Variants in FHOD3 observed in about 807,000 individuals in gnomAD.
FHOD3 encodes the protein FH1/FH2 domain-containing protein 3.
Under a neutral mutation model 173.0 loss-of-function variants are expected in FHOD3, and 90 were observed. That is an observed-to-expected ratio of 0.52 (90% CI 0.44 to 0.62). The LOEUF is 0.62. Ranked by LOEUF, FHOD3 falls within the 20% of genes least tolerant of loss-of-function variation. The pLI is 0.00. For synonymous variants in FHOD3, 828 were observed against 823.0 expected, an observed-to-expected ratio of 1.01 and a Z score of -0.10; for missense variants, 1,945 against 2,034.7, an observed-to-expected ratio of 0.96 and a Z score of 0.85.
At chr18:36,610,644 C>T (rs1020536992) in intron 8 of FHOD3, among the ~76,000 whole-genome samples, 1 of 152,152 alleles carries the variant, frequency 6.6e-6, no homozygotes, top group South Asian at 2.1e-4. Context: ...AAAAGGAAAA[C>T]GCCATTATTC....
chr18:36,541,249 CAAAAA>C (rs770104487), intron 5 of FHOD3, among the ~76,000 whole-genome samples: 1 of 40,358 alleles, frequency 2.5e-5, no homozygotes, highest in Non-Finnish European at 5.2e-5. Context: ...GACTCTGTCT[CAAAAA>C]AAAAAAAAAA....
intron 4 of FHOD3, among the ~76,000 whole-genome samples, chr18:36,507,241 C>T (rs2055354785): frequency 6.6e-6 from 1 of 152,192 alleles, no homozygotes; most frequent in East Asian, 1.9e-4. Context: ...ATAGTGACAC[C>T]TTTGCTTTCT....
intron 14 of FHOD3, among the ~76,000 whole-genome samples, chr18:36,681,233 C>G (rs75214836): frequency 7.9e-5 from 12 of 152,032 alleles, no homozygotes; most frequent in Non-Finnish European, 1.5e-4. Flanking sequence ...TTTTCTCCTG[C>G]GAGCACACTC....
intron 22 of FHOD3, among the ~76,000 whole-genome samples, chr18:36,743,245 G>A (rs889853661): frequency 7.0e-6 from 1 of 143,500 alleles, no homozygotes; most frequent in African/African-American, 2.6e-5. Context: ...GGAAGCAGAG[G>A]TTGCAGTGAG....
chr18:36,769,394 A>G lies in FHOD3; in HGVS notation c.4754A>G (p.Glu1585Gly), dbSNP rs751342833. Reference sequence around the variant, plus strand: ...CCCAGTCAGCGAGTGGTGCCGAGGGAGAGGAAACGATCCCGGGCCAACCGG... The same window carrying G: ...CCCAGTCAGCGAGTGGTGCCGAGGGGGAGGAAACGATCCCGGGCCAACCGG... Reference protein sequence around the residue: ...QVPSQRVVPRERKRSRANRKS... With the variant: ...QVPSQRVVPRGRKRSRANRKS... The change falls in exon 28 of 29, where the codon GAG becomes GGG. Residue 1585 changes from glutamate to glycine, a missense_variant. By Grantham distance (98) the Glu-to-Gly change is moderately conservative (BLOSUM62 -2). Around this residue, in one of 5 missense-constraint regions of FHOD3, gnomAD observed 354 missense variants for 359.9 expected, o/e 0.98. Coordinates refer to ENST00000590592, the MANE Select transcript of FHOD3 (RefSeq NM_001281740.3). The G allele has an allele frequency of 3.7e-6, 6 of 1,614,066 alleles. No homozygotes were observed. The South Asian group carries it at 6.6e-5, about 18-fold the overall frequency.
intron 2 of FHOD3, among the ~76,000 whole-genome samples, chr18:36,371,256 G>T (rs1264387272): frequency 6.6e-6 from 1 of 152,142 alleles, no homozygotes; most frequent in African/African-American, 2.4e-5. Context: ...TTCTTTAAAA[G>T]AATCCATATT....
intron 3 of FHOD3, among the ~76,000 whole-genome samples, chr18:36,436,536 A>G (rs2050819118): frequency 6.6e-6 from 1 of 152,228 alleles, no homozygotes. Flanking sequence ...AATTCTACAG[A>G]TTGCTATGTT....
intron 5 of FHOD3, among the ~76,000 whole-genome samples, chr18:36,520,965 T>G (rs892900138): frequency 6.6e-6 from 1 of 152,238 alleles, no homozygotes; most frequent in Non-Finnish European, 1.5e-5. Flanking sequence ...AGCACAATCG[T>G]TATTTCCTTG....
chr18:36,709,219 G>T lies in FHOD3; in HGVS notation c.2361G>T (p.Val787=), dbSNP rs147561688. 8.7e-6 allele frequency: 14 copies of T among 1,614,070 alleles called. No homozygotes were observed. In the African/African-American group the frequency reaches 1.7e-4, roughly 20 times the overall value. The change falls in exon 18 of 29, where the codon GTG becomes GTT. Residue 787 remains valine (V), a synonymous_variant. Transcript: ENST00000590592. ...CCCACGAGGGTGCAGAGACTGAAGT[G>T]GAGCAGGCACTAGAGCAAGAGCCGG... ...ASAHEGAETE[V]EQALEQEPEE...
At chr18:36,701,716 A>T (rs973880381) in intron 17 of FHOD3, among the ~76,000 whole-genome samples, 1 of 152,184 alleles carries the variant, frequency 6.6e-6, no homozygotes, top group Non-Finnish European at 1.5e-5. Context: ...TTTGGGGGTA[A>T]CACAGCCCAT....
intron 24 of FHOD3, among the ~76,000 whole-genome samples, chr18:36,753,641 C>T (rs572525200): frequency 6.6e-6 from 1 of 152,348 alleles, no homozygotes; most frequent in East Asian, 1.9e-4. Flanking sequence ...AGATCATTTT[C>T]TATGGCTGCT....
chr18:36,607,408 G>A (rs910476725), intron 8 of FHOD3, among the ~76,000 whole-genome samples: 6 of 152,196 alleles, frequency 3.9e-5, no homozygotes, highest in African/African-American at 1.4e-4. Context: ...TACCGCTGGT[G>A]CCTGTCCAGA....
At chr18:36,637,696 T>C (rs1305169938) in intron 10 of FHOD3, among the ~76,000 whole-genome samples, 4 of 152,194 alleles carry the variant, frequency 2.6e-5, no homozygotes, top group Non-Finnish European at 5.9e-5. Context: ...AGAAGAGGGC[T>C]TTTGAAGCGA....
Position 36,545,616 on chromosome 18 carries a change from G to A in FHOD3, c.512-30835G>A, listed in dbSNP as rs558047959. On this transcript the variant is annotated intron_variant, in intron 5 of 28. Coordinates refer to ENST00000590592, the MANE Select transcript of FHOD3 (RefSeq NM_001281740.3). ...CTAGAATTTCTAAATATCTGTGTGT[G>A]TGTTGTATGCAGGGAAAGTGCATTT... is the stretch of plus-strand genomic sequence containing the variant. Among the ~76,000 whole-genome samples, 27 of 152,354 alleles carry A rather than the reference G, an allele frequency of 1.8e-4. No individual in the cohort carries two copies. The South Asian group carries it at 2.1e-3, about 12-fold the overall frequency.
Position 36,686,538 on chromosome 18 carries a change from G to A in FHOD3, c.1971-590G>A, listed in dbSNP as rs2038629227. Among the ~76,000 whole-genome samples, 3 of 151,548 alleles carry A rather than the reference G, an allele frequency of 2.0e-5. No individual in the cohort carries two copies. In the South Asian group the frequency reaches 6.3e-4, roughly 32 times the overall value. On this transcript the variant is annotated intron_variant, in intron 15 of 28. Coordinates refer to ENST00000590592, the MANE Select transcript of FHOD3 (RefSeq NM_001281740.3). ...TCAGGATAAATAGCTAAGGCATGTT[G>A]GGCTTAATACTTAGGTGACGGGTTG...
At chr18:36,319,915 A>G (rs2044308009) in intron 1 of FHOD3, among the ~76,000 whole-genome samples, 1 of 152,232 alleles carries the variant, frequency 6.6e-6, no homozygotes, top group Non-Finnish European at 1.5e-5. Flanking sequence ...GAAGGCAGAA[A>G]TAAAGGTGTT....
chr18:36,612,120 G>C (rs2032743786), intron 9 of FHOD3, 25 bp downstream of exon 9: 2 of 1,607,378 alleles, frequency 1.2e-6, no homozygotes, highest in Non-Finnish European at 1.7e-6. Context: ...CTTTTGTAAG[G>C]TATCGTACAG....
intron 3 of FHOD3, among the ~76,000 whole-genome samples, chr18:36,408,891 G>A (rs2049203703): frequency 6.6e-6 from 1 of 152,194 alleles, no homozygotes; most frequent in South Asian, 2.1e-4. Flanking sequence ...AAGTGTGTGA[G>A]CAATGACTGA....
intron 14 of FHOD3, among the ~76,000 whole-genome samples, chr18:36,669,942 T>C (rs934169428): frequency 1.3e-5 from 2 of 152,052 alleles, no homozygotes; most frequent in Non-Finnish European, 2.9e-5. Context: ...GAATTATTCC[T>C]GTTTTTATAT....
Sources: allele counts gnomAD v4.1 joint callset (sites outside exome capture counted in the v4.1 genomes callset), GRCh38; gene constraint gnomAD v4.1.1; regional missense constraint gnomAD v4.1.1; transcripts MANE v1.5; gene names NCBI Gene and HGNC (gene_info 2026-07-23, HGNC 2026-07-21).